Variants in SLBP observed in about 807,000 individuals in gnomAD.
SLBP encodes the protein histone RNA hairpin-binding protein.
SLBP carries 29 observed loss-of-function variants against 39.2 expected under a neutral mutation model. The ratio of observed to expected loss-of-function variants is 0.74; its 90% CI spans 0.55 to 1.01. SLBP has a LOEUF of 1.01. Ranked by LOEUF, SLBP falls within the 50% of genes least tolerant of loss-of-function variation. The probability of loss-of-function intolerance (pLI) is 0.00; values close to 1 mark genes in which losing one functional copy is unlikely to be tolerated. For missense variants in SLBP, 390 were observed against 350.2 expected (o/e 1.11, Z -0.91); for synonymous variants, 129 against 118.7 (o/e 1.09, Z -0.57).
chr4:1,697,945 G>T (rs1716176528), intron 5 of SLBP, among the ~76,000 whole-genome samples: 1 of 152,132 alleles, frequency 6.6e-6, no homozygotes. Context: ...GGGCGACATA[G>T]GGAGACTCCC....
In SLBP at chr4:1,693,484, G is replaced by A; in HGVS notation, c.*113C>T. 1 of 697,630 alleles carries A rather than the reference G, an allele frequency of 1.4e-6. No individual in the cohort carries two copies. The highest frequency in any genetic ancestry group is 2.6e-6 in the Non-Finnish European group (1 of 383,000). 43.2% of individuals were successfully genotyped at this position (697,630 alleles called of 1,614,324 possible). Reference sequence around the variant, plus strand: ...CAAAAATAATTCAGCATGAGCTAATGGACTGCTAACAGAGAAACCACCAGG... The same window carrying A: ...CAAAAATAATTCAGCATGAGCTAATAGACTGCTAACAGAGAAACCACCAGG... On this transcript the variant is annotated 3_prime_UTR_variant, in exon 8 of 8. Coordinates refer to ENST00000489418, the MANE Select transcript of SLBP (RefSeq NM_006527.4).
chr4:1,695,822 G>C (rs528401679), intron 6 of SLBP, among the ~76,000 whole-genome samples: 1 of 150,194 alleles, frequency 6.7e-6, no homozygotes, highest in Non-Finnish European at 1.5e-5. Context: ...CCTTAATTAA[G>C]AACTTTTATT....
At chr4:1,698,048 G>C (rs1716183168) in intron 5 of SLBP, among the ~76,000 whole-genome samples, 2 of 151,546 alleles carry the variant, frequency 1.3e-5, no homozygotes, top group South Asian at 4.2e-4. Flanking sequence ...GATTGCTTGA[G>C]GCCAGGAGTT....
intron 5 of SLBP, among the ~76,000 whole-genome samples, chr4:1,698,076 T>C (rs1223940106): frequency 2.0e-5 from 3 of 151,820 alleles, no homozygotes; most frequent in Non-Finnish European, 1.5e-5. Flanking sequence ...CAGTGAGCCA[T>C]GATGGTTGGG....
chr4:1,707,431 G>C (rs2108664048), intron 2 of SLBP, among the ~76,000 whole-genome samples: 1 of 151,114 alleles, frequency 6.6e-6, no homozygotes, highest in Non-Finnish European at 1.5e-5. Context: ...ACTTGAACCT[G>C]GGAGGTGGAG....
At chr4:1,703,121 C>T (rs1560252382) in intron 3 of SLBP, among the ~76,000 whole-genome samples, 2 of 151,746 alleles carry the variant, frequency 1.3e-5, no homozygotes, top group African/African-American at 2.4e-5. Context: ...CCTGTAATCT[C>T]AGCTACTCAG....
intron 6 of SLBP, 67 bp downstream of exon 6, chr4:1,696,135 G>A (rs760934857): frequency 1.4e-6 from 2 of 1,382,014 alleles, no homozygotes; most frequent in African/African-American, 1.5e-5. Flanking sequence ...TGTCCCAGTG[G>A]TGCGCAGCTG....
Position 1,712,254 on chromosome 4 carries a change from G to A in SLBP, c.-66C>T, listed in dbSNP as rs1336704612. On this transcript the variant is annotated 5_prime_UTR_variant, in exon 1 of 8. Coordinates refer to ENST00000489418, the MANE Select transcript of SLBP (RefSeq NM_006527.4). ...GGCGGCGGCGGCGCGGGCAGAGAGC[G>A]CAGAGTAGAGCAGGGCAGGGCCTGA... The A allele has an allele frequency of 1.0e-6, 1 of 991,656 alleles. No individual in the cohort carries two copies. The highest frequency in any genetic ancestry group is 1.3e-6 in the Non-Finnish European group (1 of 748,178). The allele number at this position is 991,656 out of a possible 1,614,324, so 61.4% of individuals were successfully genotyped here.
chr4:1,702,970 G>A (rs1194007557), intron 3 of SLBP, among the ~76,000 whole-genome samples: 2 of 152,080 alleles, frequency 1.3e-5, no homozygotes, highest in Non-Finnish European at 2.9e-5. Context: ...AGTTAGGCCG[G>A]GCACAGTGAC....
intron 2 of SLBP, among the ~76,000 whole-genome samples, chr4:1,711,051 T>TAAA (rs34503092): frequency 9.9e-5 from 12 of 121,492 alleles, no homozygotes; most frequent in Admixed American, 2.6e-4. Context: ...ACCCTGTCTT[T>TAAA]AAAAAAAAAA....
intron 2 of SLBP, among the ~76,000 whole-genome samples, chr4:1,708,766 A>C (rs571229360): frequency 6.6e-6 from 1 of 152,370 alleles, no homozygotes; most frequent in African/African-American, 2.4e-5. Flanking sequence ...TCCAAAGAGT[A>C]CTTCTAGATC....
At chr4:1,694,680 C>T (rs1432779121) in intron 7 of SLBP, 94 bp downstream of exon 7, 13 of 914,700 alleles carry the variant, frequency 1.4e-5, no homozygotes, top group East Asian at 4.9e-5. Flanking sequence ...CGTGAGCCAC[C>T]GTGCCCAGTC....
At chr4:1,698,772 C>G (rs1456548182) in intron 5 of SLBP, among the ~76,000 whole-genome samples, 1 of 150,244 alleles carries the variant, frequency 6.7e-6, no homozygotes, top group Admixed American at 6.6e-5. Context: ...GCATGAGCCA[C>G]TGCACTCAGC....
intron 4 of SLBP, 90 bp from the exon 5 acceptor site, chr4:1,699,791 T>A: frequency 7.9e-7 from 1 of 1,263,880 alleles, no homozygotes; most frequent in Admixed American, 1.9e-5. Context: ...AACACAATAA[T>A]GGAAGATTCA....
At chr4:1,703,145 G>A (rs1716389058) in intron 3 of SLBP, among the ~76,000 whole-genome samples, 1 of 151,324 alleles carries the variant, frequency 6.6e-6, no homozygotes, top group Non-Finnish European at 1.5e-5. Flanking sequence ...GCTGAGGCAA[G>A]AGAATCGCTT....
At chr4:1,706,294 A>G (rs1337034572) in intron 2 of SLBP, among the ~76,000 whole-genome samples, 1 of 152,130 alleles carries the variant, frequency 6.6e-6, no homozygotes, top group Non-Finnish European at 1.5e-5. Flanking sequence ...AAATAAATAA[A>G]ATACAGAATA....
At chr4:1,703,327 A>C (rs1208351075) in intron 3 of SLBP, among the ~76,000 whole-genome samples, 4 of 151,964 alleles carry the variant, frequency 2.6e-5, no homozygotes, top group Non-Finnish European at 5.9e-5. Flanking sequence ...CCACTCTTGG[A>C]AGGATTACCA....
chr4:1,703,257 AGT>A (rs1560252763), intron 3 of SLBP, among the ~76,000 whole-genome samples: 3 of 23,420 alleles, frequency 1.3e-4, no homozygotes, highest in Non-Finnish European at 2.7e-4. Context: ...AAAAAAAGAA[AGT>A]TAGTTCTGAT....
At chr4:1,701,146 C>CTTTTTTTTTTTTT (rs369039404) in intron 3 of SLBP, among the ~76,000 whole-genome samples, 11 of 123,670 alleles carry the variant, frequency 8.9e-5, no homozygotes, top group Non-Finnish European at 1.6e-4. Flanking sequence ...TCTTTTTTTT[C>CTTTTTTTTTTTTT]TTTTTTTTTT....
Sources: allele counts gnomAD v4.1 joint callset (sites outside exome capture counted in the v4.1 genomes callset), GRCh38; gene constraint gnomAD v4.1.1; transcripts MANE v1.5; gene names NCBI Gene and HGNC (gene_info 2026-07-23, HGNC 2026-07-21).